Variants in MAGI2 observed in about 807,000 individuals in gnomAD.
MAGI2 encodes the protein membrane associated guanylate kinase, WW and PDZ domain containing 2.
Under a neutral mutation model 133.3 loss-of-function variants are expected in MAGI2, and 35 were observed. The ratio of observed to expected loss-of-function variants is 0.26; its 90% CI spans 0.20 to 0.35. MAGI2 has a LOEUF of 0.35. Ranked by LOEUF, MAGI2 falls within the 10% of genes least tolerant of loss-of-function variation. The pLI is 1.00. For missense variants in MAGI2, 1,636 were observed against 1,863.4 expected, an observed-to-expected ratio of 0.88 and a Z score of 2.25; for synonymous variants, 729 against 710.6, an observed-to-expected ratio of 1.03 and a Z score of -0.41.
intron 1 of MAGI2, among the ~76,000 whole-genome samples, chr7:79,428,207 A>T (rs2129184595): frequency 6.6e-6 from 1 of 152,232 alleles, no homozygotes; most frequent in Non-Finnish European, 1.5e-5. Flanking sequence ...CTGGATGAAA[A>T]CTTGGCTGTT....
At chr7:78,079,212 C>CTT in intron 20 of MAGI2, 127 bp from the exon 21 acceptor site, 1 of 855,256 alleles carries the variant, frequency 1.2e-6, no homozygotes, top group South Asian at 1.5e-5. Flanking sequence ...CAGCCTGCTG[C>CTT]TTTTTGGAAG....
intron 1 of MAGI2, among the ~76,000 whole-genome samples, chr7:79,018,696 G>T (rs1042465688): frequency 6.6e-6 from 1 of 152,166 alleles, no homozygotes; most frequent in Non-Finnish European, 1.5e-5. Context: ...AAAAGGGATG[G>T]AGAAAAATCT....
At chr7:78,925,335 A>T (rs1160810141) in intron 2 of MAGI2, among the ~76,000 whole-genome samples, 1 of 152,122 alleles carries the variant, frequency 6.6e-6, no homozygotes, top group Non-Finnish European at 1.5e-5. Context: ...CTGAAAAGCC[A>T]GGTTACAGAT....
intron 10 of MAGI2, among the ~76,000 whole-genome samples, chr7:78,213,477 G>A (rs1787967065): frequency 6.6e-6 from 1 of 152,196 alleles, no homozygotes; most frequent in Non-Finnish European, 1.5e-5. Context: ...AGAGGTCATA[G>A]TCAAAGCTCT....
intron 1 of MAGI2, among the ~76,000 whole-genome samples, chr7:79,342,782 A>G (rs886226898): frequency 1.3e-5 from 2 of 152,062 alleles, no homozygotes; most frequent in African/African-American, 4.8e-5. Context: ...TTTTTGAGAC[A>G]GAGTTTCGCT....
intron 1 of MAGI2, among the ~76,000 whole-genome samples, chr7:79,154,752 G>T (rs1823598637): frequency 6.6e-6 from 1 of 152,116 alleles, no homozygotes. Flanking sequence ...CATTACTTTT[G>T]TCTTTCAATT....
intron 7 of MAGI2, among the ~76,000 whole-genome samples, chr7:78,355,987 C>T (rs1446769627): frequency 6.6e-6 from 1 of 152,084 alleles, no homozygotes; most frequent in Non-Finnish European, 1.5e-5. Flanking sequence ...GTAATGAGGG[C>T]ATGAATGAGG....
At chr7:78,573,273 A>AT (rs1563188720) in intron 3 of MAGI2, among the ~76,000 whole-genome samples, 3 of 51,678 alleles carry the variant, frequency 5.8e-5, no homozygotes, top group Non-Finnish European at 9.1e-5. Context: ...AATATATATA[A>AT]ATATATATAT....
intron 20 of MAGI2, among the ~76,000 whole-genome samples, chr7:78,107,480 C>T (rs1482647602): frequency 2.6e-5 from 4 of 152,102 alleles, no homozygotes; most frequent in Admixed American, 6.5e-5. Context: ...AATCTATGAA[C>T]ATAAAACATT....
At chr7:79,185,493 G>A (rs1480251769) in intron 1 of MAGI2, among the ~76,000 whole-genome samples, 1 of 149,076 alleles carries the variant, frequency 6.7e-6, no homozygotes, top group Non-Finnish European at 1.5e-5. Flanking sequence ...TGGAGCATGT[G>A]GCAGTTGGTT....
chr7:79,253,469 C>G lies in MAGI2; in HGVS notation c.301+199551G>C, dbSNP rs561379983. On this transcript the variant is annotated intron_variant, in intron 1 of 21. Coordinates refer to ENST00000354212, the MANE Select transcript of MAGI2 (RefSeq NM_012301.4). ...AGCAGCCTGGCCAACATGGTGAAAT[C>G]CTGTCTTTACTAAAAATATAAAAAT... Among the ~76,000 whole-genome samples, 3 of 152,074 alleles carry G rather than the reference C, an allele frequency of 2.0e-5. No individual in the cohort carries two copies. The South Asian group carries it at 6.2e-4, about 32-fold the overall frequency.
At chr7:79,431,962 C>T (rs886581105) in intron 1 of MAGI2, among the ~76,000 whole-genome samples, 2 of 152,288 alleles carry the variant, frequency 1.3e-5, no homozygotes, top group East Asian at 3.9e-4. Context: ...TCTCCATAAG[C>T]TTCCTCATGT....
At chr7:79,350,587 AG>A (rs1841622367) in intron 1 of MAGI2, among the ~76,000 whole-genome samples, 1 of 152,166 alleles carries the variant, frequency 6.6e-6, no homozygotes, top group Non-Finnish European at 1.5e-5. Context: ...AAAAAAATAA[AG>A]GAATGAACAC....
chr7:79,307,026 A>G lies in MAGI2; in HGVS notation c.301+145994T>C, dbSNP rs11978342. ...TTGTATTTTTACTGCTCTATGCTTAAATTTTGAGGCTGCCAGGATGAATTT... is the reference window on the plus strand; with the variant it reads ...TTGTATTTTTACTGCTCTATGCTTAGATTTTGAGGCTGCCAGGATGAATTT... On this transcript the variant is annotated intron_variant, in intron 1 of 21. Coordinates refer to ENST00000354212, the MANE Select transcript of MAGI2 (RefSeq NM_012301.4). Among the ~76,000 whole-genome samples the G allele has an allele frequency of 6.9e-3, 1,044 of 152,142 alleles. 7 individuals are homozygous for G. Among genetic ancestry groups the G allele is most frequent in the African/African-American group, 0.024 (978 of 41,510 alleles).
intron 2 of MAGI2, among the ~76,000 whole-genome samples, chr7:78,761,860 G>T (rs1824545285): frequency 6.6e-6 from 1 of 151,988 alleles, no homozygotes. Flanking sequence ...ACAGAACAGT[G>T]AAGCTCCAGG....
chr7:78,109,217 T>G (rs1317202925), intron 20 of MAGI2, among the ~76,000 whole-genome samples: 1 of 123,700 alleles, frequency 8.1e-6, no homozygotes, highest in African/African-American at 3.1e-5. Context: ...GGCAGGAGAA[T>G]GGCGCGAACC....
chr7:79,067,462 G>A (rs1039838367), intron 1 of MAGI2, among the ~76,000 whole-genome samples: 26 of 152,284 alleles, frequency 1.7e-4, no homozygotes, highest in African/African-American at 5.3e-4. Context: ...TTTGTATCCC[G>A]AGACTTTGCT....
chr7:78,963,750 G>T lies in MAGI2; in HGVS notation c.418+43340C>A, dbSNP rs560429697. Among the ~76,000 whole-genome samples the T allele has an allele frequency of 9.9e-5, 15 of 151,928 alleles. No individual in the cohort carries two copies. The East Asian group carries it at 2.9e-3, about 30-fold the overall frequency. On this transcript the variant is annotated intron_variant, in intron 2 of 21. Transcript: ENST00000354212. ...TTCCTTAAAAAAAAAGTGTGCCCTG[G>T]TTTATAATGGAATAGGTATACAGAT...
chr7:79,308,989 A>T (rs1838042679), intron 1 of MAGI2, among the ~76,000 whole-genome samples: 1 of 152,136 alleles, frequency 6.6e-6, no homozygotes, highest in Non-Finnish European at 1.5e-5. Context: ...TTTTTCACTG[A>T]CAAAGAAAAA....
Sources: gnomAD v4.1 joint callset for allele counts (sites outside exome capture counted in the v4.1 genomes callset) on GRCh38, gnomAD v4.1.1 for gene constraint, MANE v1.5 for transcripts, NCBI Gene and HGNC (gene_info 2026-07-23, HGNC 2026-07-21) for gene names.